The following KDM1B variants were observed in gnomAD, a reference collection of about 807,000 sequenced individuals.
The protein encoded by KDM1B is lysine demethylase 1B.
In KDM1B, 63 loss-of-function variants were observed where a neutral mutation model predicts 107.4. The ratio of observed to expected loss-of-function variants is 0.59; its 90% confidence interval spans 0.48 to 0.72. The LOEUF is 0.72. Ranked by LOEUF, KDM1B falls within the 30% of genes least tolerant of loss-of-function variation. KDM1B has a pLI of 0.00. For missense variants in KDM1B, 749 were observed against 1,020.8 expected (o/e 0.73, Z 3.63); for synonymous variants, 363 against 363.9 (o/e 1.00, Z 0.03).
chr6:18,213,569 G>C lies in KDM1B; in HGVS notation c.1984-87G>C. ...TCTTTCGGGCAGTGTCTTTGTTTTA[G>C]AGTAGAGCTACAGGTTGCTGCTTAG... On this transcript the variant is annotated intron_variant, in intron 18 of 21. Coordinates refer to ENST00000650836, the MANE Select transcript of KDM1B (RefSeq NM_001364614.2). The surrounding 1 kb of genome is among the most constrained non-coding windows in gnomAD (Gnocchi z 5.9). 1 of 1,379,158 alleles carries C rather than the reference G, an allele frequency of 7.3e-7. No individual in the cohort carries two copies. The highest frequency in any genetic ancestry group is 1.0e-6 in the Non-Finnish European group (1 of 975,694). 85.4% of individuals were successfully genotyped at this position (1,379,158 alleles called of 1,614,324 possible).
At chr6:18,173,084 C>A (rs1296284828) in intron 7 of KDM1B, among the ~76,000 whole-genome samples, 2 of 124,852 alleles carry the variant, frequency 1.6e-5, no homozygotes. Flanking sequence ...GAGTGAAACT[C>A]CATCTCAAAA....
intron 7 of KDM1B, among the ~76,000 whole-genome samples, chr6:18,178,923 C>T (rs183360640): frequency 6.6e-6 from 1 of 152,316 alleles, no homozygotes; most frequent in Admixed American, 6.5e-5. Context: ...TGCCTTACTA[C>T]ATTGGTCAGG....
chr6:18,186,579 T>C lies in KDM1B; in HGVS notation c.573+769T>C, dbSNP rs1312091316. Among the ~76,000 whole-genome samples the C allele has an allele frequency of 6.6e-6, 1 of 152,170 alleles. No individual in the cohort carries two copies. The highest frequency in any genetic ancestry group is 1.5e-5 in the Non-Finnish European group (1 of 68,026). On this transcript the variant is annotated intron_variant, in intron 8 of 21. Transcript: ENST00000650836. The surrounding 1 kb of genome is among the most constrained non-coding windows in gnomAD (Gnocchi z 5.6). Reference sequence around the variant, plus strand: ...TCTGTTATATAAAAGGGTGTTTGCATGTGTATTAGTCCGTTCTCACGCTGC... The same window carrying C: ...TCTGTTATATAAAAGGGTGTTTGCACGTGTATTAGTCCGTTCTCACGCTGC...
Position 18,205,610 on chromosome 6 carries a change from G to A in KDM1B, c.1605G>A (p.Val535=). ...AATTCAGTGAGCTGGAGGGACAGGT[G>A]CTTCAGTTCCATCTCAGTAACCTGG... ...GIQFSELEGQ[V]LQFHLSNLEY... Residue 535 remains valine, a synonymous_variant, in exon 15 of 22, where the codon GTG becomes GTA. Coordinates refer to ENST00000650836, the MANE Select transcript of KDM1B (RefSeq NM_001364614.2). This position sits in a 1 kb window ranked among gnomAD's most constrained non-coding sequence, Gnocchi z 5.7. 1 of 1,541,780 alleles carries A rather than the reference G, an allele frequency of 6.5e-7. No homozygotes were observed. Among genetic ancestry groups the A allele is most frequent in the Non-Finnish European group, 8.7e-7 (1 of 1,143,124 alleles).
At chr6:18,166,490 G>A in intron 6 of KDM1B, 112 bp downstream of exon 6, 1 of 673,192 alleles carries the variant, frequency 1.5e-6, no homozygotes, top group South Asian at 1.8e-5. Flanking sequence ...TTCCTTCTAT[G>A]ACTATTAAAG....
intron 5 of KDM1B, among the ~76,000 whole-genome samples, chr6:18,165,404 A>G (rs1322380372): frequency 6.6e-6 from 1 of 152,060 alleles, no homozygotes; most frequent in Admixed American, 6.6e-5. Context: ...TGCTGGGATT[A>G]CAGGCGTGAG....
At position 18,162,281 on chromosome 6, in the gene KDM1B, C is replaced by T. The variant is rs1489505049; in HGVS notation, c.216-554C>T. Among the ~76,000 whole-genome samples, 3 of 152,130 alleles carry T rather than the reference C, an allele frequency of 2.0e-5. No homozygotes were observed. Among genetic ancestry groups the T allele is most frequent in the Non-Finnish European group, 4.4e-5 (3 of 68,026 alleles). On this transcript the variant is annotated intron_variant, in intron 4 of 21. Coordinates refer to ENST00000650836, the MANE Select transcript of KDM1B (RefSeq NM_001364614.2). The surrounding 1 kb of genome is among the most constrained non-coding windows in gnomAD (Gnocchi z 4.1). ...GGTTGCAATGAGCCTGAGATCGTGC[C>T]ACTGTACTCCAGCCTGAGTGACAGA... is the stretch of plus-strand genomic sequence containing the variant.
intron 7 of KDM1B, among the ~76,000 whole-genome samples, chr6:18,181,536 A>T (rs562162328): frequency 7.0e-4 from 106 of 152,292 alleles, no homozygotes; most frequent in African/African-American, 2.4e-3. Context: ...AGGCTGAAGC[A>T]GGAGTTTGAG....
chr6:18,177,991 A>G (rs549083685), intron 7 of KDM1B, among the ~76,000 whole-genome samples: 1 of 152,238 alleles, frequency 6.6e-6, no homozygotes, highest in African/African-American at 2.4e-5. Flanking sequence ...AGTGTTTTCT[A>G]ATATTCACTG....
chr6:18,213,665 C>G lies in KDM1B; in HGVS notation c.1993C>G (p.Gln665Glu). The G allele has an allele frequency of 1.9e-6, 3 of 1,614,080 alleles. No homozygotes were observed. Among genetic ancestry groups the G allele is most frequent in the Non-Finnish European group, 2.5e-6 (3 of 1,179,998 alleles). Residue 665 changes from glutamine to glutamate, a missense_variant, in exon 19 of 22, where the codon CAA becomes GAA. Transcript: ENST00000650836. This position sits in a 1 kb window ranked among gnomAD's most constrained non-coding sequence, Gnocchi z 5.9. Reference sequence around the variant, plus strand: ...TCTGCTCACTTTGCAGATTGCCTTGCAATTTCCGTATAGATTTTGGGACAG... The same window carrying G: ...TCTGCTCACTTTGCAGATTGCCTTGGAATTTCCGTATAGATTTTGGGACAG... Reference protein sequence around the residue: ...GAGIIEKIALQFPYRFWDSKV... With the variant: ...GAGIIEKIALEFPYRFWDSKV...
intron 9 of KDM1B, 71 bp downstream of exon 9, chr6:18,188,073 A>C: frequency 7.4e-7 from 1 of 1,344,926 alleles, no homozygotes; most frequent in East Asian, 2.5e-5. Flanking sequence ...GTGAGTGAGC[A>C]AAACGCAAAG....
intron 5 of KDM1B, among the ~76,000 whole-genome samples, chr6:18,165,981 T>C (rs112477705): frequency 6.6e-6 from 1 of 152,144 alleles, no homozygotes; most frequent in Non-Finnish European, 1.5e-5. Context: ...TACTCCAGCC[T>C]GAGCAACATA....
At chr6:18,206,719 C>T (rs1048766244) in intron 15 of KDM1B, among the ~76,000 whole-genome samples, 2 of 152,104 alleles carry the variant, frequency 1.3e-5, no homozygotes, top group African/African-American at 4.8e-5. Context: ...GCCACTGCAC[C>T]AGGACTTGTC....
At chr6:18,176,638 G>C (rs1331288443) in intron 7 of KDM1B, among the ~76,000 whole-genome samples, 1 of 152,092 alleles carries the variant, frequency 6.6e-6, no homozygotes, top group East Asian at 1.9e-4. Context: ...CTTGTATGCC[G>C]ATTTTGCTGA....
chr6:18,185,369 T>C (rs983936603), intron 7 of KDM1B, among the ~76,000 whole-genome samples: 1 of 151,976 alleles, frequency 6.6e-6, no homozygotes, highest in African/African-American at 2.4e-5. Flanking sequence ...TAGCGCAGTC[T>C]CGGCTCACTG....
In KDM1B at chr6:18,186,958, A is replaced by T. The variant is rs1344909610; in HGVS notation, c.574-834A>T. Among the ~76,000 whole-genome samples the T allele has an allele frequency of 7.3e-5, 9 of 123,554 alleles. No individual in the cohort carries two copies. The highest frequency in any genetic ancestry group is 2.3e-4 in the African/African-American group (7 of 31,078). 81.1% of individuals were successfully genotyped at this position (123,554 alleles called of 152,430 possible). ...CCAGCCAAACCATATCAGTATGTAT[A>T]TATGTGTGTGTGTGTACACACACAC... On this transcript the variant is annotated intron_variant, in intron 8 of 21. Coordinates refer to ENST00000650836, the MANE Select transcript of KDM1B (RefSeq NM_001364614.2). The surrounding 1 kb of genome is among the most constrained non-coding windows in gnomAD (Gnocchi z 5.6).
At chr6:18,171,569 A>G in intron 7 of KDM1B, 90 bp downstream of exon 7, 1 of 767,038 alleles carries the variant, frequency 1.3e-6, no homozygotes, top group Non-Finnish European at 2.3e-6. Flanking sequence ...TATTGTGTTG[A>G]TCATTCTGTC....
intron 6 of KDM1B, among the ~76,000 whole-genome samples, chr6:18,171,031 A>G (rs1245187785): frequency 6.6e-6 from 1 of 151,946 alleles, no homozygotes; most frequent in African/African-American, 2.4e-5. Context: ...CGTGTTAGCC[A>G]GGATGGTCTG....
Position 18,204,151 on chromosome 6 carries a change from T to G in KDM1B, c.1532-1386T>G, listed in dbSNP as rs1023055702. ...TTGAGCTGTTCTAAAAAAAAAAATA[T>G]TTGAAGTAACTGATACTCAGTTCTG... On this transcript the variant is annotated intron_variant, in intron 14 of 21. Coordinates refer to ENST00000650836, the MANE Select transcript of KDM1B (RefSeq NM_001364614.2). The surrounding 1 kb of genome is among the most constrained non-coding windows in gnomAD (Gnocchi z 4.9). 6.6e-6 allele frequency among the ~76,000 whole-genome samples: 1 copy of G among 151,936 alleles called. No individual in the cohort carries two copies. Among genetic ancestry groups the G allele is most frequent in the African/African-American group, 2.4e-5 (1 of 41,274 alleles).
Sources: gnomAD v4.1 joint callset for allele counts (sites outside exome capture counted in the v4.1 genomes callset) on GRCh38, gnomAD v4.1.1 for gene constraint, Gnocchi (gnomAD v3.1) non-coding constraint, MANE v1.5 for transcripts, NCBI Gene and HGNC (gene_info 2026-07-23, HGNC 2026-07-21) for gene names.